The following GALNTL6 variants were observed in gnomAD, a reference collection of about 807,000 sequenced individuals.
The protein encoded by GALNTL6 is polypeptide N-acetylgalactosaminyltransferase-like 6.
In GALNTL6, 46 loss-of-function variants were observed where a neutral mutation model predicts 73.7. The ratio of observed to expected loss-of-function variants is 0.62; its 90% confidence interval spans 0.49 to 0.80. GALNTL6 has a LOEUF of 0.80. Among genes scored for constraint, GALNTL6 ranks in the 30% least tolerant of loss-of-function variants. The pLI, the probability that GALNTL6 is intolerant of heterozygous loss-of-function variation, is 0.00. For missense variants in GALNTL6, 604 were observed against 755.0 expected (o/e 0.80, Z 2.34); for synonymous variants, 259 against 263.7 (o/e 0.98, Z 0.17).
intron 5 of GALNTL6, among the ~76,000 whole-genome samples, chr4:172,427,901 G>T (rs1023743908): frequency 6.6e-6 from 1 of 152,182 alleles, no homozygotes; most frequent in Non-Finnish European, 1.5e-5. Flanking sequence ...ATAAGGAAAA[G>T]ATATTTTACT....
intron 7 of GALNTL6, among the ~76,000 whole-genome samples, chr4:172,874,520 T>G (rs1159099341): frequency 6.6e-6 from 1 of 152,178 alleles, no homozygotes; most frequent in African/African-American, 2.4e-5. Context: ...CCTGATAGTG[T>G]TATAAGATCT....
intron 2 of GALNTL6, among the ~76,000 whole-genome samples, chr4:172,162,452 T>C (rs1390252372): frequency 6.6e-6 from 1 of 152,066 alleles, no homozygotes; most frequent in East Asian, 1.9e-4. Context: ...CTGAAAAAAC[T>C]ATTAAATAAA....
intron 10 of GALNTL6, among the ~76,000 whole-genome samples, chr4:172,978,838 C>T (rs932250225): frequency 2.6e-5 from 4 of 152,168 alleles, no homozygotes; most frequent in Non-Finnish European, 5.9e-5. Flanking sequence ...CAGATTAGCA[C>T]ACATCCTCAG....
intron 6 of GALNTL6, among the ~76,000 whole-genome samples, chr4:172,810,607 G>A (rs913145487): frequency 5.9e-5 from 9 of 152,060 alleles, no homozygotes; most frequent in Non-Finnish European, 8.8e-5. Context: ...GCGGGGGGGC[G>A]GGGAAATCAA....
intron 2 of GALNTL6, among the ~76,000 whole-genome samples, chr4:172,210,845 CTTTA>C (rs1397963362): frequency 6.6e-6 from 1 of 152,094 alleles, no homozygotes; most frequent in Non-Finnish European, 1.5e-5. Flanking sequence ...TCTTTTCCCA[CTTTA>C]TTTATTTATT....
At chr4:172,198,489 G>A (rs914803387) in intron 2 of GALNTL6, among the ~76,000 whole-genome samples, 2 of 151,916 alleles carry the variant, frequency 1.3e-5, no homozygotes, top group Non-Finnish European at 2.9e-5. Context: ...CATTTATGTG[G>A]CCAACAAACA....
At chr4:171,891,431 A>T (rs571526177) in intron 2 of GALNTL6, among the ~76,000 whole-genome samples, 62 of 152,178 alleles carry the variant, frequency 4.1e-4, no homozygotes, top group Non-Finnish European at 8.2e-4. Flanking sequence ...AAGCATTTTA[A>T]AATTATTTGT....
intron 5 of GALNTL6, among the ~76,000 whole-genome samples, chr4:172,453,453 T>C (rs1377568439): frequency 1.3e-5 from 2 of 152,186 alleles, no homozygotes; most frequent in Non-Finnish European, 2.9e-5. Context: ...TTGAAACCAT[T>C]AGGGTTTAAA....
Position 172,861,581 on chromosome 4 carries a change from C to G in GALNTL6, c.924-21209C>G, listed in dbSNP as rs200767006. Reference sequence around the variant, plus strand: ...TGTGGATTTTAACTTTAGCTCAGTCCTACCAATATGGTTTGGCTATGTCCC... The same window carrying G: ...TGTGGATTTTAACTTTAGCTCAGTCGTACCAATATGGTTTGGCTATGTCCC... On this transcript the variant is annotated intron_variant, in intron 7 of 12. Coordinates refer to ENST00000506823, the MANE Select transcript of GALNTL6 (RefSeq NM_001034845.3). Among the ~76,000 whole-genome samples the G allele has an allele frequency of 4.6e-5, 7 of 152,280 alleles. No individual in the cohort carries two copies. The East Asian group carries it at 1.4e-3, about 29-fold the overall frequency.
intron 2 of GALNTL6, among the ~76,000 whole-genome samples, chr4:171,928,985 T>G (rs1258437081): frequency 1.3e-5 from 2 of 152,226 alleles, no homozygotes; most frequent in Non-Finnish European, 2.9e-5. Context: ...AATGCATCAT[T>G]AATATATTCT....
At chr4:172,371,984 T>TA (rs1170350012) in intron 5 of GALNTL6, among the ~76,000 whole-genome samples, 2 of 152,258 alleles carry the variant, frequency 1.3e-5, no homozygotes, top group East Asian at 3.9e-4. Flanking sequence ...GCATACTTGC[T>TA]ATCTGTATAC....
intron 5 of GALNTL6, among the ~76,000 whole-genome samples, chr4:172,712,548 A>C (rs1052010095): frequency 1.3e-5 from 2 of 152,178 alleles, no homozygotes; most frequent in Non-Finnish European, 2.9e-5. Flanking sequence ...TAATGGAAAC[A>C]ATAAAAGTTC....
chr4:172,838,635 G>A lies in GALNTL6; in HGVS notation c.923+24912G>A, dbSNP rs138360071. On this transcript the variant is annotated intron_variant, in intron 7 of 12. Coordinates refer to ENST00000506823, the MANE Select transcript of GALNTL6 (RefSeq NM_001034845.3). ...CAATGTTTAAAGGCATAATTTTCTG[G>A]GAAACGAAACAGGTGCAAATTCAAA... Among the ~76,000 whole-genome samples, 850 of 152,130 alleles carry A rather than the reference G, an allele frequency of 5.6e-3. 7 individuals carry two copies. Among genetic ancestry groups the A allele is most frequent in the Middle Eastern group, 6.8e-3 (2 of 294 alleles).
intron 2 of GALNTL6, among the ~76,000 whole-genome samples, chr4:172,190,601 T>C (rs576716103): frequency 6.6e-6 from 1 of 151,516 alleles, no homozygotes; most frequent in South Asian, 2.1e-4. Flanking sequence ...CAGGAAAAAA[T>C]GGGAATAGCT....
intron 11 of GALNTL6, among the ~76,000 whole-genome samples, chr4:173,011,667 G>A (rs1426893661): frequency 6.6e-6 from 1 of 152,106 alleles, no homozygotes; most frequent in Admixed American, 6.6e-5. Context: ...TGGTACCTTT[G>A]TCAAAAATGA....
chr4:172,637,891 A>C (rs978077973), intron 5 of GALNTL6, among the ~76,000 whole-genome samples: 24 of 152,034 alleles, frequency 1.6e-4, no homozygotes, highest in African/African-American at 5.6e-4. Flanking sequence ...CTCCTATTGG[A>C]CCCTACGCAT....
At chr4:172,462,535 A>G (rs1186567411) in intron 5 of GALNTL6, among the ~76,000 whole-genome samples, 2 of 152,186 alleles carry the variant, frequency 1.3e-5, no homozygotes, top group Admixed American at 1.3e-4. Flanking sequence ...TGTCACTTTC[A>G]GTAAACTTTT....
chr4:172,286,340 G>A (rs905181188), intron 3 of GALNTL6, among the ~76,000 whole-genome samples: 1 of 152,154 alleles, frequency 6.6e-6, no homozygotes, highest in African/African-American at 2.4e-5. Flanking sequence ...TGATGATGTT[G>A]TGGGAGGAAA....
At chr4:172,871,280 C>T (rs111755028) in intron 7 of GALNTL6, among the ~76,000 whole-genome samples, 2 of 152,186 alleles carry the variant, frequency 1.3e-5, no homozygotes, top group African/African-American at 4.8e-5. Context: ...CTTGAACATT[C>T]AAACTGGCCT....
Sources: gnomAD v4.1 joint callset for allele counts (sites outside exome capture counted in the v4.1 genomes callset) on GRCh38, gnomAD v4.1.1 for gene constraint, MANE v1.5 for transcripts, NCBI Gene and HGNC (gene_info 2026-07-23, HGNC 2026-07-21) for gene names.